Variants in STK38 observed in about 807,000 individuals in gnomAD.
STK38 encodes the protein serine/threonine kinase 38, also known as serine/threonine-protein kinase 38.
Under a neutral mutation model 59.0 loss-of-function variants are expected in STK38, and 26 were observed. The ratio of observed to expected loss-of-function variants is 0.44; its 90% CI spans 0.32 to 0.61. The LOEUF (loss-of-function observed/expected upper bound fraction) is 0.61. STK38 is among the 20% of genes least tolerant of loss of function. The pLI, the probability that STK38 is intolerant of heterozygous loss-of-function variation, is 0.04. For missense variants in STK38, 433 were observed against 566.0 expected, an observed-to-expected ratio of 0.76 and a Z score of 2.38; for synonymous variants, 175 against 176.6, an observed-to-expected ratio of 0.99 and a Z score of 0.07.
chr6:36,529,761 A>G (rs1200263102), intron 2 of STK38, among the ~76,000 whole-genome samples: 2 of 152,234 alleles, frequency 1.3e-5, no homozygotes, highest in African/African-American at 4.8e-5. Flanking sequence ...CAGAATGTAT[A>G]GCAATGTGCA....
At chr6:36,501,492 C>G (rs758651721) in intron 9 of STK38, among the ~76,000 whole-genome samples, 1 of 151,288 alleles carries the variant, frequency 6.6e-6, no homozygotes, top group African/African-American at 2.4e-5. Context: ...CAATACAATA[C>G]AGACCCATTA....
intron 13 of STK38, 78 bp from the exon 14 acceptor site, chr6:36,495,992 A>G: frequency 6.7e-7 from 1 of 1,494,418 alleles, no homozygotes; most frequent in Non-Finnish European, 9.2e-7. Context: ...AGACAGGACT[A>G]TGAAGAACAC....
Position 36,515,490 on chromosome 6 carries a change from C to T in STK38, c.517G>A (p.Asp173Asn), listed in dbSNP as rs751511539. 1 of 1,612,658 alleles carries T rather than the reference C, an allele frequency of 6.2e-7. No individual in the cohort carries two copies. Among genetic ancestry groups the T allele is most frequent in the South Asian group, 1.1e-5 (1 of 90,996 alleles). The change falls in exon 7 of 14, where the codon GAC becomes AAC. Residue 173 changes from aspartate (D) to asparagine (N), a missense_variant and splice_region_variant. By Grantham distance (23) the Asp-to-Asn change is conservative (BLOSUM62 1). Around this residue, in one of 3 missense-constraint regions of STK38, gnomAD observed 293 missense variants for 388.2 expected, o/e 0.75. Transcript: ENST00000229812. ...YLIMEFLPGG[D>N]MMTLLMKKDT... ...TTTTTCATCAACAAGGTCATCATGT[C>T]CCCTGGAAACAAGAAGATACAAAGC...
intron 1 of STK38, among the ~76,000 whole-genome samples, chr6:36,543,322 C>T (rs1415703190): frequency 6.6e-6 from 1 of 152,146 alleles, no homozygotes; most frequent in African/African-American, 2.4e-5. Flanking sequence ...ATCTCAGCCT[C>T]CCAAAGTGCT....
At position 36,496,730 on chromosome 6, in the gene STK38, A is replaced by T. The variant is rs1325006544; in HGVS notation, c.1248T>A (p.Ser416=). ...DTSNFDEFPE[S]DILKPTVATS... ...TGTTACCTGTTGGCTTAAGAATATC[A>T]GATTCTGGAAACTCATCGAAGTTTG... The change falls in exon 13 of 14, where the codon TCT becomes TCA. Residue 416 remains serine (S), a synonymous_variant. Coordinates refer to ENST00000229812, the MANE Select transcript of STK38 (RefSeq NM_007271.4). The T allele has an allele frequency of 6.2e-7, 1 of 1,613,318 alleles. No individual in the cohort carries two copies. Among genetic ancestry groups the T allele is most frequent in the South Asian group, 1.1e-5 (1 of 90,914 alleles).
chr6:36,509,506 T>C (rs1777052624), intron 7 of STK38, among the ~76,000 whole-genome samples: 1 of 149,042 alleles, frequency 6.7e-6, no homozygotes, highest in Admixed American at 7.0e-5. Flanking sequence ...TTAGGTTAGA[T>C]AACAAGGGGA....
chr6:36,539,530 A>G (rs536605065), intron 2 of STK38, among the ~76,000 whole-genome samples: 12 of 152,332 alleles, frequency 7.9e-5, no homozygotes, highest in Admixed American at 5.2e-4. Context: ...CACATATGTT[A>G]TATCTAATCC....
chr6:36,545,289 GAAAA>G (rs58104312), intron 1 of STK38, among the ~76,000 whole-genome samples: 59 of 60,522 alleles, frequency 9.7e-4, no homozygotes, highest in Non-Finnish European at 1.5e-3. Flanking sequence ...ACTCCGTCTG[GAAAA>G]AAAAAAAAAA....
At chr6:36,544,910 G>A (rs1026453387) in intron 1 of STK38, among the ~76,000 whole-genome samples, 8 of 152,156 alleles carry the variant, frequency 5.3e-5, no homozygotes, top group African/African-American at 1.9e-4. Flanking sequence ...ACAACAATCT[G>A]CTAGTATTTA....
At chr6:36,521,886 A>G in intron 4 of STK38, 69 bp from the exon 5 acceptor site, 1 of 1,235,642 alleles carries the variant, frequency 8.1e-7, no homozygotes, top group Non-Finnish European at 1.2e-6. Context: ...CATGTGTTAT[A>G]GGATGCAATA....
At chr6:36,522,855 CA>C (rs1200049731) in intron 4 of STK38, among the ~76,000 whole-genome samples, 27 of 66,560 alleles carry the variant, frequency 4.1e-4, no homozygotes, top group East Asian at 3.2e-3. Flanking sequence ...GACTCTGTCT[CA>C]AAAAAAAAAA....
At chr6:36,527,285 T>A (rs1271123728) in intron 2 of STK38, among the ~76,000 whole-genome samples, 1 of 146,632 alleles carries the variant, frequency 6.8e-6, no homozygotes, top group Non-Finnish European at 1.5e-5. Context: ...TATACATATA[T>A]ACATATACAC....
chr6:36,540,844 G>T (rs1777917935), intron 1 of STK38, among the ~76,000 whole-genome samples: 1 of 151,744 alleles, frequency 6.6e-6, no homozygotes. Flanking sequence ...AAAGTGCTGG[G>T]ATTACAACTG....
At chr6:36,539,927 A>G in intron 2 of STK38, 145 bp downstream of exon 2, 1 of 1,354,582 alleles carries the variant, frequency 7.4e-7, no homozygotes, top group Non-Finnish European at 9.7e-7. Flanking sequence ...AGGGACTTTG[A>G]AAAGCCCTTT....
chr6:36,497,010 T>C (rs75203263), intron 12 of STK38, among the ~76,000 whole-genome samples: 1 of 152,130 alleles, frequency 6.6e-6, no homozygotes, highest in Non-Finnish European at 1.5e-5. Context: ...TTTAAAAAAA[T>C]AACTCAATCA....
In STK38 at chr6:36,494,107, T is replaced by G. The variant is rs1015943557; in HGVS notation, c.*1677A>C. The G allele has an allele frequency of 2.6e-5, 4 of 152,192 alleles. No individual in the cohort carries two copies. The highest frequency in any genetic ancestry group is 5.9e-5 in the Non-Finnish European group (4 of 68,036). The allele number at this position is 152,192 out of a possible 1,614,324, so 9.4% of individuals were successfully genotyped here. ...GAGACTACAAAGTCACACAAAAGAA[T>G]CTCATTTACTTCCTTTTCACTAGCA... On this transcript the variant is annotated 3_prime_UTR_variant, in exon 14 of 14. Transcript: ENST00000229812.
chr6:36,537,718 T>TGAGA (rs1447727533), intron 2 of STK38, among the ~76,000 whole-genome samples: 3 of 151,900 alleles, frequency 2.0e-5, no homozygotes, highest in Non-Finnish European at 4.4e-5. Context: ...GACAACAAAG[T>TGAGA]GAGACCCTGT....
chr6:36,523,697 C>T (rs922354209), intron 4 of STK38, among the ~76,000 whole-genome samples: 23 of 152,234 alleles, frequency 1.5e-4, no homozygotes, highest in African/African-American at 5.1e-4. Context: ...CAACAGATTG[C>T]TCTTGTGCCC....
chr6:36,538,395 A>C (rs1386849433), intron 2 of STK38, among the ~76,000 whole-genome samples: 1 of 152,174 alleles, frequency 6.6e-6, no homozygotes, highest in Non-Finnish European at 1.5e-5. Flanking sequence ...TTTTTCTGGG[A>C]GACGTAATGT....
Sources: gnomAD v4.1 joint callset for allele counts (sites outside exome capture counted in the v4.1 genomes callset) on GRCh38, gnomAD v4.1.1 for gene constraint, gnomAD v4.1.1 regional missense constraint, MANE v1.5 for transcripts, NCBI Gene and HGNC (gene_info 2026-07-23, HGNC 2026-07-21) for gene names.